The following CAND1 variants were observed in gnomAD, a reference collection of about 807,000 sequenced individuals.
The protein encoded by CAND1 is cullin-associated NEDD8-dissociated protein 1.
CAND1 carries 7 observed loss-of-function variants against 108.5 expected under a neutral mutation model. That is an observed-to-expected ratio of 0.06 (90% CI 0.04 to 0.12). CAND1 has a LOEUF of 0.12. Ranked by LOEUF, CAND1 falls within the 10% of genes least tolerant of loss-of-function variation. The pLI, the probability that CAND1 is intolerant of heterozygous loss-of-function variation, is 1.00. For missense variants in CAND1, 941 were observed against 1,448.7 expected (o/e 0.65, Z 5.69); for synonymous variants, 534 against 512.0 (o/e 1.04, Z -0.58).
Position 67,305,210 on chromosome 12 carries a change from T to C in CAND1, c.1542T>C (p.His514=). The C allele has an allele frequency of 6.2e-7, 1 of 1,614,196 alleles. No homozygotes were observed. The highest frequency in any genetic ancestry group is 8.5e-7 in the Non-Finnish European group (1 of 1,180,028). Reference sequence around the variant, plus strand: ...GTAACCATTCTCCTCAAGTCTTCCATCCTCACGTTCAGGCTTTGGTTCCTC... The same window carrying C: ...GTAACCATTCTCCTCAAGTCTTCCACCCTCACGTTCAGGCTTTGGTTCCTC... ...ILCNHSPQVF[H]PHVQALVPPV... is the part of the protein sequence containing the mutation. The change falls in exon 10 of 15, where the codon CAT becomes CAC. Residue 514 remains histidine, a synonymous_variant. Coordinates refer to ENST00000545606, the MANE Select transcript of CAND1 (RefSeq NM_018448.5). The surrounding 1 kb of genome is among the most constrained non-coding windows in gnomAD (Gnocchi z 4.4).
chr12:67,274,304 T>C (rs2044549728), intron 1 of CAND1, among the ~76,000 whole-genome samples: 1 of 152,198 alleles, frequency 6.6e-6, no homozygotes, highest in Admixed American at 6.5e-5. Context: ...AATATGTAAT[T>C]GTCAGGCATT....
intron 11 of CAND1, among the ~76,000 whole-genome samples, chr12:67,308,524 T>A (rs1158637547): frequency 2.0e-5 from 3 of 152,104 alleles, no homozygotes; most frequent in Non-Finnish European, 4.4e-5. Context: ...CCAGTATGCA[T>A]TGTTGATACA....
intron 1 of CAND1, among the ~76,000 whole-genome samples, chr12:67,273,194 C>G (rs2135987506): frequency 6.6e-6 from 1 of 152,276 alleles, no homozygotes; most frequent in South Asian, 2.1e-4. Flanking sequence ...TGGGACAGTA[C>G]CTTAGAACAG....
At chr12:67,279,219 C>A (rs1484608414) in intron 1 of CAND1, among the ~76,000 whole-genome samples, 1 of 151,662 alleles carries the variant, frequency 6.6e-6, no homozygotes, top group Non-Finnish European at 1.5e-5. Context: ...CAATTTTTCC[C>A]ATGCAAACCC....
chr12:67,298,001 A>G, intron 6 of CAND1, 148 bp downstream of exon 6: 1 of 472,738 alleles, frequency 2.1e-6, no homozygotes. Context: ...TCATCTTGCT[A>G]TTATAAAATG....
At chr12:67,280,712 T>TGGAGA (rs2044611656) in intron 1 of CAND1, among the ~76,000 whole-genome samples, 1 of 152,216 alleles carries the variant, frequency 6.6e-6, no homozygotes, top group Admixed American at 6.5e-5. Context: ...GTAAGGCATG[T>TGGAGA]GGAGAAGAAA....
chr12:67,269,643 T>TGGCGGCGGC lies in CAND1; in HGVS notation c.-65_-57dup, dbSNP rs557106057. 3 of 1,315,764 alleles carry TGGCGGCGGC rather than the reference T, an allele frequency of 2.3e-6. No homozygotes were observed. Among genetic ancestry groups the TGGCGGCGGC allele is most frequent in the East Asian group, 2.5e-5 (1 of 39,378 alleles). The allele number at this position is 1,315,764 out of a possible 1,614,324, so 81.5% of individuals were successfully genotyped here. A position where few individuals can be genotyped will look rare whatever the true frequency, so the allele number is the denominator to read the frequency against. Reference sequence around the variant, plus strand: ...CCGCGAGCGAGAGGAGGAGCTCCAGTGGCGGCGGCGGCGGCGGCAGCGGCA... The same window carrying TGGCGGCGGC: ...CCGCGAGCGAGAGGAGGAGCTCCAGTGGCGGCGGCGGCGGCGGCGGCGGCGGCAGCGGCA... On this transcript the variant is annotated 5_prime_UTR_variant, in exon 1 of 15. Transcript: ENST00000545606.
At chr12:67,307,938 A>T (rs1051960262) in intron 11 of CAND1, among the ~76,000 whole-genome samples, 1 of 152,042 alleles carries the variant, frequency 6.6e-6, no homozygotes, top group Non-Finnish European at 1.5e-5. Context: ...GGTCAAAATA[A>T]CCTAAGAATA....
chr12:67,305,871 C>G lies in CAND1; in HGVS notation c.2203C>G (p.Leu735Val). ...SSLSKISGSILNELIGLVRSP... is the reference protein window; with the variant it reads ...SSLSKISGSIVNELIGLVRSP... ...CCTTTCAAAGATAAGTGGATCCATT[C>G]TCAATGAACTTATTGGACTTGTGAG... The change falls in exon 10 of 15, where the codon CTC becomes GTC. Residue 735 changes from leucine (L) to valine (V), a missense_variant. By Grantham distance (32) the Leu-to-Val change is conservative. Coordinates refer to ENST00000545606, the MANE Select transcript of CAND1 (RefSeq NM_018448.5). The surrounding 1 kb of genome is among the most constrained non-coding windows in gnomAD (Gnocchi z 4.4). 6.2e-7 allele frequency: 1 copy of G among 1,614,154 alleles called. No individual in the cohort carries two copies. The highest frequency in any genetic ancestry group is 8.5e-7 in the Non-Finnish European group (1 of 1,179,994).
chr12:67,276,641 G>A (rs1350021284), intron 1 of CAND1, among the ~76,000 whole-genome samples: 1 of 152,188 alleles, frequency 6.6e-6, no homozygotes, highest in Non-Finnish European at 1.5e-5. Context: ...TAACTGGAGA[G>A]GGGAATGTTT....
At chr12:67,288,232 A>G (rs2044690692) in intron 2 of CAND1, among the ~76,000 whole-genome samples, 1 of 151,284 alleles carries the variant, frequency 6.6e-6, no homozygotes. Flanking sequence ...CCCAGATTCA[A>G]GCGATTCTCA....
In CAND1 at chr12:67,302,540, T is replaced by C; in HGVS notation, c.1218T>C (p.Arg406=). ...HAYLSLLKQT[R]PVQSWLCDPD... is the part of the protein sequence containing the mutation. ...ACCTTTCTCTTTTGAAGCAAACTCGTCCTGTACAAAGTTGGCTATGTGACC... is the reference window on the plus strand; with the variant it reads ...ACCTTTCTCTTTTGAAGCAAACTCGCCCTGTACAAAGTTGGCTATGTGACC... The change falls in exon 8 of 15, where the codon CGT becomes CGC. Residue 406 remains arginine (R), a synonymous_variant. Coordinates refer to ENST00000545606, the MANE Select transcript of CAND1 (RefSeq NM_018448.5). The C allele has an allele frequency of 6.2e-7, 1 of 1,614,144 alleles. No homozygotes were observed. The highest frequency in any genetic ancestry group is 1.1e-5 in the South Asian group (1 of 91,080).
intron 1 of CAND1, among the ~76,000 whole-genome samples, chr12:67,272,109 G>C (rs772246790): frequency 1.2e-4 from 19 of 152,268 alleles, no homozygotes; most frequent in Admixed American, 2.6e-4. Flanking sequence ...AAAATACCTA[G>C]CACTAGAAGG....
intron 3 of CAND1, among the ~76,000 whole-genome samples, chr12:67,294,301 C>G (rs1732772685): frequency 6.6e-6 from 1 of 152,020 alleles, no homozygotes. Context: ...AGTAACAATT[C>G]TGATTTATGA....
At chr12:67,270,872 C>T (rs1252597027) in intron 1 of CAND1, 1 of 151,356 alleles carries the variant, frequency 6.6e-6, no homozygotes, top group Non-Finnish European at 1.5e-5. Context: ...AAGGAAATAA[C>T]AAATAGTCTT....
At position 67,315,994 on chromosome 12, in the gene CAND1, C is replaced by T. The variant is rs1592630298; in HGVS notation, c.*3164C>T. ...CTGCCCACATTAATTTTACTAAAGA[C>T]CTAAATTGTTAAAATTAATTGCCAA... On this transcript the variant is annotated 3_prime_UTR_variant, in exon 15 of 15. Coordinates refer to ENST00000545606, the MANE Select transcript of CAND1 (RefSeq NM_018448.5). 6.6e-6 allele frequency: 1 copy of T among 152,082 alleles called. No individual in the cohort carries two copies. The highest frequency in any genetic ancestry group is 2.1e-4 in the South Asian group (1 of 4,828). The allele number at this position is 152,082 out of a possible 1,614,324, so 9.4% of individuals were successfully genotyped here.
intron 1 of CAND1, among the ~76,000 whole-genome samples, chr12:67,280,503 A>T (rs1330630750): frequency 2.0e-5 from 3 of 152,174 alleles, no homozygotes; most frequent in Admixed American, 2.0e-4. Context: ...AAAATAACGT[A>T]TTTTTACTAA....
rs538901571 is a variant in CAND1, at chr12:67,314,815, T to C, written c.*1985T>C. On this transcript the variant is annotated 3_prime_UTR_variant, in exon 15 of 15. Transcript: ENST00000545606. The stretch of plus-strand genomic sequence containing the variant: ...TGAAATTCTTTTAGTACTAAAGAAA[T>C]AGATACTGCTCTTTTATGGCTTTAG... 6.6e-6 allele frequency: 1 copy of C among 152,380 alleles called. No homozygotes were observed. Among genetic ancestry groups the C allele is most frequent in the Non-Finnish European group, 1.5e-5 (1 of 68,044 alleles). 9.4% of individuals were successfully genotyped at this position (152,380 alleles called of 1,614,324 possible).
At position 67,319,140 on chromosome 12, in the gene CAND1, A is replaced by G. The variant is rs1190061088; in HGVS notation, c.*6310A>G. The stretch of plus-strand genomic sequence containing the variant: ...AAATACCCAGAAGGCATTAATTCCC[A>G]GTCCTTCCTCTACACAGCTGCAAAA... On this transcript the variant is annotated 3_prime_UTR_variant, in exon 15 of 15. Coordinates refer to ENST00000545606, the MANE Select transcript of CAND1 (RefSeq NM_018448.5). 1 of 152,214 alleles carries G rather than the reference A, an allele frequency of 6.6e-6. No homozygotes were observed. The highest frequency in any genetic ancestry group is 1.5e-5 in the Non-Finnish European group (1 of 68,064). The allele number at this position is 152,214 out of a possible 1,614,324, so 9.4% of individuals were successfully genotyped here.
Sources: allele counts gnomAD v4.1 joint callset (sites outside exome capture counted in the v4.1 genomes callset), GRCh38; gene constraint gnomAD v4.1.1; non-coding constraint Gnocchi (gnomAD v3.1); transcripts MANE v1.5; gene names NCBI Gene and HGNC (gene_info 2026-07-23, HGNC 2026-07-21).